The following PLSCR2 variants were observed in gnomAD, a reference collection of about 807,000 sequenced individuals.
The protein encoded by PLSCR2 is phospholipid scramblase 2, also known as PL scramblase 2.
A neutral mutation model predicts 25.3 loss-of-function variants in PLSCR2; 18 were observed. The observed-to-expected ratio is 0.71, with a 90% CI of 0.49 to 1.06. The LOEUF is 1.06. Among genes scored for constraint, PLSCR2 ranks in the 50% least tolerant of loss-of-function variants. PLSCR2 has a pLI of 0.00. For synonymous variants in PLSCR2, 88 were observed against 87.3 expected (o/e 1.01, Z -0.04); for missense variants, 243 against 269.5 (o/e 0.90, Z 0.69).
chr3:146,395,683 G>A (rs990426855), intron 3 of PLSCR2: 1 of 161,022 alleles, frequency 6.2e-6, no homozygotes, highest in Non-Finnish European at 1.4e-5. Context: ...GATGATTCAA[G>A]GAGAAATATT....
intron 2 of PLSCR2, among the ~76,000 whole-genome samples, chr3:146,410,173 G>C (rs1032346161): frequency 1.3e-5 from 2 of 152,024 alleles, no homozygotes; most frequent in African/African-American, 4.8e-5. Context: ...AAAATGAGAT[G>C]TGTGGGGTAG....
chr3:146,458,220 T>C (rs752004240), intron 3 of PLSCR2, among the ~76,000 whole-genome samples, 191 bp downstream of exon 3: 1 of 152,238 alleles, frequency 6.6e-6, no homozygotes, highest in Non-Finnish European at 1.5e-5. Flanking sequence ...GGGCCAACTG[T>C]ATTTTACCAT....
At chr3:146,448,682 G>A (rs1417008874) in intron 6 of PLSCR2, among the ~76,000 whole-genome samples, 1 of 152,262 alleles carries the variant, frequency 6.6e-6, no homozygotes, top group East Asian at 1.9e-4. Context: ...CCTGATACTT[G>A]AGGGTTTTAA....
chr3:146,486,407 A>C (rs1249026682), intron 1 of PLSCR2, among the ~76,000 whole-genome samples: 1 of 151,712 alleles, frequency 6.6e-6, no homozygotes, highest in Non-Finnish European at 1.5e-5. Context: ...AATATTAATA[A>C]AATATAGACT....
At chr3:146,464,006 C>A, upstream of PLSCR2, 1 of 981,964 alleles carries the variant, frequency 1.0e-6, no homozygotes, top group Non-Finnish European at 1.2e-6. Flanking sequence ...TGAAATAAAT[C>A]AAAAGATGTA....
chr3:146,449,414 T>C lies in PLSCR2; in HGVS notation c.484-47A>G, dbSNP rs370208240. ...AACTTAAAAATTTCTAGAAAACTTA[T>C]AGCAAAATTACTTTTAACACTGGAG... On this transcript the variant is annotated intron_variant, in intron 5 of 6. Transcript: ENST00000610787. The C allele has an allele frequency of 1.2e-3, 1,562 of 1,353,002 alleles. 7 individuals are homozygous for C. The highest frequency in any genetic ancestry group is 7.7e-3 in the Middle Eastern group (41 of 5,350). The allele number at this position is 1,353,002 out of a possible 1,614,324, so 83.8% of individuals were successfully genotyped here. A position where few individuals can be genotyped will look rare whatever the true frequency, so the allele number is the denominator to read the frequency against.
chr3:146,400,286 A>G (rs535486682), intron 2 of PLSCR2, among the ~76,000 whole-genome samples: 17 of 151,826 alleles, frequency 1.1e-4, no homozygotes, highest in East Asian at 7.7e-4. Context: ...TGACAAGGTC[A>G]GAGTAAAGTG....
chr3:146,478,372 A>T (rs2042999188), intron 1 of PLSCR2, among the ~76,000 whole-genome samples: 1 of 152,224 alleles, frequency 6.6e-6, no homozygotes, highest in Non-Finnish European at 1.5e-5. Flanking sequence ...GGCTAACTAG[A>T]AAAAACAGTG....
At position 146,422,168 on chromosome 3, in the gene PLSCR2, T is replaced by A. The variant is rs111726906; in HGVS notation, c.101-26247A>T. 4.9e-3 allele frequency among the ~76,000 whole-genome samples: 749 copies of A among 152,196 alleles called. 7 individuals carry two copies. The highest frequency in any genetic ancestry group is 0.016 in the African/African-American group (663 of 41,546). On this transcript the variant is annotated intron_variant and NMD_transcript_variant, in intron 2 of 3. Coordinates refer to the PLSCR2 transcript ENST00000463633. ...GAGGAGTTTCTCTGAGAGAACTTCA[T>A]TCACATCATTCATGCCTAGAAGTCA...
At chr3:146,447,427 G>A (rs1283718008) in intron 6 of PLSCR2, among the ~76,000 whole-genome samples, 3 of 152,158 alleles carry the variant, frequency 2.0e-5, no homozygotes, top group East Asian at 1.9e-4. Context: ...ATCCTAGCAG[G>A]ACTGGGTCCT....
exon 6 of PLSCR2, chr3:146,449,367 T>C: frequency 1.3e-6 from 2 of 1,543,172 alleles, no homozygotes; most frequent in South Asian, 1.2e-5. Context: ...AGAGATGTAA[T>C]CTAAATTGCA....
chr3:146,453,943 G>T (rs1261147811), intron 5 of PLSCR2, 59 bp downstream of exon 5: 1 of 1,356,288 alleles, frequency 7.4e-7, no homozygotes, highest in Non-Finnish European at 1.0e-6. Context: ...ATAATATTCT[G>T]CAAAATTATA....
intron 1 of PLSCR2, chr3:146,494,674 T>C (rs1274755521): frequency 3.3e-5 from 5 of 152,162 alleles, no homozygotes; most frequent in African/African-American, 1.2e-4. Context: ...TTTTAAACAC[T>C]CATGGTTTAA....
downstream of PLSCR2, among the ~76,000 whole-genome samples, chr3:146,432,608 G>C (rs185726255): frequency 6.6e-6 from 1 of 152,130 alleles, no homozygotes; most frequent in Non-Finnish European, 1.5e-5. Flanking sequence ...GCAAAAAGGA[G>C]GGCAAGGACA....
In PLSCR2 at chr3:146,445,526, T is replaced by A. The variant is rs79654567; in HGVS notation, c.645+3680A>T. 5.7e-3 allele frequency among the ~76,000 whole-genome samples: 875 copies of A among 152,238 alleles called. 9 individuals are homozygous for A. Among genetic ancestry groups the A allele is most frequent in the African/African-American group, 0.02 (834 of 41,570 alleles). On this transcript the variant is annotated intron_variant, in intron 6 of 6. Transcript: ENST00000610787. ...GAAGTCTGCTGCCAGATGTATTGGA[T>A]CTTGCTTTTATGTTATTTTTTTTTC...
intron 3 of PLSCR2, among the ~76,000 whole-genome samples, chr3:146,392,033 C>A (rs935669690): frequency 3.9e-5 from 6 of 152,040 alleles, no homozygotes; most frequent in African/African-American, 1.4e-4. Flanking sequence ...GTATTTGTGT[C>A]ATTAAAGGTC....
intron 2 of PLSCR2, among the ~76,000 whole-genome samples, chr3:146,426,100 A>G (rs2039335737): frequency 6.6e-6 from 1 of 152,086 alleles, no homozygotes; most frequent in Admixed American, 6.6e-5. Context: ...TCTACTTCTA[A>G]TTAGCTTTTC....
At chr3:146,431,258 C>T (rs2039535097), downstream of PLSCR2, among the ~76,000 whole-genome samples, 1 of 152,210 alleles carries the variant, frequency 6.6e-6, no homozygotes, top group Non-Finnish European at 1.5e-5. Context: ...TGAAAAGGAA[C>T]TTTCTCAGAA....
chr3:146,399,743 TC>T (rs1415211621), intron 2 of PLSCR2, among the ~76,000 whole-genome samples: 1 of 150,346 alleles, frequency 6.7e-6, no homozygotes, highest in Non-Finnish European at 1.5e-5. Context: ...TCTTTTTTTT[TC>T]TTTCTTCCTT....
Sources: allele counts gnomAD v4.1 joint callset (sites outside exome capture counted in the v4.1 genomes callset), GRCh38; gene constraint gnomAD v4.1.1; transcripts MANE v1.5; gene names NCBI Gene and HGNC (gene_info 2026-07-23, HGNC 2026-07-21).